Variants in RNF180 observed in about 807,000 individuals in gnomAD.
The protein encoded by RNF180 is ring finger protein 180.
A neutral mutation model predicts 59.2 loss-of-function variants in RNF180; 38 were observed. That is an observed-to-expected ratio of 0.64 (90% CI 0.50 to 0.84). The LOEUF is 0.84. Ranked by LOEUF, RNF180 falls within the 40% of genes least tolerant of loss-of-function variation. The probability of loss-of-function intolerance (pLI) is 0.00; values close to 1 mark genes in which losing one functional copy is unlikely to be tolerated. For missense variants in RNF180, 705 were observed against 700.9 expected (o/e 1.01, Z -0.07); for synonymous variants, 262 against 240.3 (o/e 1.09, Z -0.84).
intron 5 of RNF180, among the ~76,000 whole-genome samples, chr5:64,270,036 C>T (rs1744921698): frequency 6.6e-6 from 1 of 150,732 alleles, no homozygotes; most frequent in Non-Finnish European, 1.5e-5. Flanking sequence ...AACACACACA[C>T]ACACACACAC....
chr5:64,219,247 A>G (rs138251607), intron 5 of RNF180, among the ~76,000 whole-genome samples: 238 of 152,198 alleles, frequency 1.6e-3, no homozygotes, highest in African/African-American at 5.0e-3. Flanking sequence ...TGTGTTTTCA[A>G]TGTTAATAAT....
At chr5:64,311,096 T>C (rs2112480798) in intron 5 of RNF180, among the ~76,000 whole-genome samples, 1 of 151,926 alleles carries the variant, frequency 6.6e-6, no homozygotes, top group South Asian at 2.1e-4. Flanking sequence ...CTTACTATAA[T>C]CCAAACTCTT....
At chr5:64,188,726 G>T (rs1454446781) in intron 1 of RNF180, among the ~76,000 whole-genome samples, 1 of 152,018 alleles carries the variant, frequency 6.6e-6, no homozygotes, top group Non-Finnish European at 1.5e-5. Flanking sequence ...TTTTCTTTGT[G>T]CCGTGACTTT....
chr5:64,333,092 C>T (rs1297197657), intron 7 of RNF180, among the ~76,000 whole-genome samples: 3 of 152,170 alleles, frequency 2.0e-5, no homozygotes, highest in South Asian at 4.1e-4. Flanking sequence ...TATATAAGCA[C>T]ATACTACTTT....
In RNF180 at chr5:64,330,329, T is replaced by C. The variant is rs1252847087; in HGVS notation, c.1502T>C (p.Ile501Thr). 1.3e-6 allele frequency: 2 copies of C among 1,535,800 alleles called. No homozygotes were observed. The highest frequency in any genetic ancestry group is 2.4e-5 in the South Asian group (2 of 81,810). The change falls in exon 7 of 8, where the codon ATA becomes ACA. Residue 501 changes from isoleucine (I) to threonine (T), a missense_variant. Physicochemically the swap from Ile to Thr is moderately conservative, Grantham distance 89 (BLOSUM62 -1). Coordinates refer to ENST00000389100, the MANE Select transcript of RNF180 (RefSeq NM_001113561.2). Reference protein sequence around the residue: ...KTFFTKEYLKIKQSFQKSNSA... With the variant: ...KTFFTKEYLKTKQSFQKSNSA... Reference sequence around the variant, plus strand: ...TTCTTTACTAAAGAATATTTGAAAATAAAACAAAGCTTTCAGAAATCCAAC... The same window carrying C: ...TTCTTTACTAAAGAATATTTGAAAACAAAACAAAGCTTTCAGAAATCCAAC...
intron 2 of RNF180, among the ~76,000 whole-genome samples, chr5:64,207,211 A>T (rs1209219110): frequency 6.6e-6 from 1 of 152,142 alleles, no homozygotes; most frequent in Non-Finnish European, 1.5e-5. Context: ...TTGATTACTC[A>T]TATAGATATA....
chr5:64,172,553 T>A (rs2934808), intron 1 of RNF180, among the ~76,000 whole-genome samples: 151,051 of 152,342 alleles, frequency 0.99, 74,886 homozygotes, highest in Middle Eastern at 1. Flanking sequence ...GCCTAAGTTT[T>A]TTAGGAGACT....
chr5:64,170,249 AAGTC>A (rs2111865009), intron 1 of RNF180, among the ~76,000 whole-genome samples: 1 of 152,348 alleles, frequency 6.6e-6, no homozygotes, highest in South Asian at 2.1e-4. Context: ...TGTTTGCACT[AAGTC>A]AGTTTGAAAT....
At chr5:64,218,454 CTCTGT>C (rs1288395873) in intron 5 of RNF180, among the ~76,000 whole-genome samples, 1 of 152,108 alleles carries the variant, frequency 6.6e-6, no homozygotes, top group Non-Finnish European at 1.5e-5. Flanking sequence ...TATTTCTGGA[CTCTGT>C]TCTGTACAGT....
At chr5:64,246,980 A>G (rs1743218986) in intron 5 of RNF180, among the ~76,000 whole-genome samples, 1 of 152,240 alleles carries the variant, frequency 6.6e-6, no homozygotes, top group Non-Finnish European at 1.5e-5. Context: ...AATGTAATCC[A>G]TCACATAAAC....
intron 5 of RNF180, among the ~76,000 whole-genome samples, chr5:64,243,505 A>T (rs551277963): frequency 1.4e-4 from 21 of 152,324 alleles, no homozygotes; most frequent in Non-Finnish European, 2.5e-4. Flanking sequence ...GCAGCTCAGC[A>T]AAGCTGCTGT....
intron 2 of RNF180, among the ~76,000 whole-genome samples, chr5:64,210,300 G>A (rs1307284795): frequency 1.3e-5 from 2 of 152,082 alleles, no homozygotes; most frequent in East Asian, 3.9e-4. Context: ...TGATCTTGAT[G>A]CAGGCTCTTT....
intron 7 of RNF180, among the ~76,000 whole-genome samples, chr5:64,334,224 A>T (rs750009805): frequency 5.3e-5 from 8 of 152,108 alleles, no homozygotes; most frequent in Non-Finnish European, 1.0e-4. Context: ...TCCCCCTCCA[A>T]CCTCCATAAG....
At chr5:64,347,547 C>T (rs1745604303) in intron 7 of RNF180, among the ~76,000 whole-genome samples, 1 of 152,090 alleles carries the variant, frequency 6.6e-6, no homozygotes. Flanking sequence ...TTTACCATCC[C>T]ATAACTGTAG....
intron 7 of RNF180, among the ~76,000 whole-genome samples, chr5:64,347,034 G>A (rs941103476): frequency 1.2e-4 from 19 of 152,284 alleles, no homozygotes; most frequent in African/African-American, 3.8e-4. Context: ...GCCTTATACC[G>A]AAATAAAGTT....
intron 1 of RNF180, among the ~76,000 whole-genome samples, chr5:64,171,010 A>T (rs566928501): frequency 9.9e-5 from 15 of 152,226 alleles, no homozygotes; most frequent in Non-Finnish European, 2.2e-4. Flanking sequence ...TCATTTCAAC[A>T]TAGGTCTATT....
chr5:64,238,949 A>T (rs1338493142), intron 5 of RNF180, among the ~76,000 whole-genome samples: 1 of 152,156 alleles, frequency 6.6e-6, no homozygotes, highest in Non-Finnish European at 1.5e-5. Flanking sequence ...ATCTCATTTC[A>T]TCACTCTGAG....
intron 4 of RNF180, among the ~76,000 whole-genome samples, chr5:64,216,194 G>T: frequency 6.6e-6 from 1 of 152,074 alleles, no homozygotes; most frequent in East Asian, 1.9e-4. Context: ...AAATTTTAAA[G>T]TGTATGGCAG....
intron 5 of RNF180, among the ~76,000 whole-genome samples, chr5:64,273,990 T>C (rs1325134700): frequency 1.3e-5 from 2 of 152,030 alleles, no homozygotes; most frequent in Non-Finnish European, 2.9e-5. Context: ...TTCAATTTAG[T>C]TTAGTTATTA....
Sources: allele counts gnomAD v4.1 joint callset (sites outside exome capture counted in the v4.1 genomes callset), GRCh38; gene constraint gnomAD v4.1.1; transcripts MANE v1.5; gene names NCBI Gene and HGNC (gene_info 2026-07-23, HGNC 2026-07-21).